Variants in ESRRG observed in about 807,000 individuals in gnomAD.
ESRRG encodes the protein estrogen related receptor gamma.
ESRRG carries 13 observed loss-of-function variants against 44.0 expected under a neutral mutation model. That is an observed-to-expected ratio of 0.30 (90% CI 0.19 to 0.47). The LOEUF is 0.47. Ranked by LOEUF, ESRRG falls within the 20% of genes least tolerant of loss-of-function variation. ESRRG has a pLI of 1.00. For missense variants in ESRRG, 395 were observed against 580.6 expected (o/e 0.68, Z 3.29); for synonymous variants, 215 against 214.6 (o/e 1.00, Z -0.02).
At chr1:217,119,975 T>C (rs2092798219) in intron 1 of ESRRG, among the ~76,000 whole-genome samples, 1 of 152,202 alleles carries the variant, frequency 6.6e-6, no homozygotes, top group Non-Finnish European at 1.5e-5. Flanking sequence ...GATACAAAAA[T>C]GGAAAAGATT....
chr1:216,885,713 T>A (rs995596564), intron 2 of ESRRG, among the ~76,000 whole-genome samples: 1 of 152,100 alleles, frequency 6.6e-6, no homozygotes, highest in Non-Finnish European at 1.5e-5. Flanking sequence ...CATAGGAAAG[T>A]TTTAAATATA....
At chr1:216,679,289 C>G (rs1452540356) in intron 1 of ESRRG, among the ~76,000 whole-genome samples, 2 of 152,176 alleles carry the variant, frequency 1.3e-5, no homozygotes, top group African/African-American at 4.8e-5. Flanking sequence ...TGTTAATGAA[C>G]GTTGTAATTA....
intron 1 of ESRRG, among the ~76,000 whole-genome samples, chr1:216,969,818 C>A (rs745653575): frequency 2.6e-5 from 4 of 152,082 alleles, no homozygotes; most frequent in Non-Finnish European, 4.4e-5. Flanking sequence ...CTCCTGACCT[C>A]AGGTGATCCG....
chr1:216,840,031 G>A (rs1175674582), intron 2 of ESRRG, among the ~76,000 whole-genome samples: 1 of 152,162 alleles, frequency 6.6e-6, no homozygotes, highest in Non-Finnish European at 1.5e-5. Context: ...TAACAAGAGA[G>A]TCAGCTTGTT....
chr1:216,634,758 A>C lies in ESRRG; in HGVS notation c.589+16215T>G, dbSNP rs145079694. Among the ~76,000 whole-genome samples the C allele has an allele frequency of 6.9e-3, 1,057 of 152,286 alleles. 10 individuals carry two copies. Among genetic ancestry groups the C allele is most frequent in the African/African-American group, 0.024 (1,015 of 41,560 alleles). ...GCGTGGATACATTTCTTCCTTCCCC[A>C]AAACAAAATGGGAGGATGCGTGTGG... On this transcript the variant is annotated intron_variant, in intron 3 of 6. Transcript: ENST00000408911.
intron 1 of ESRRG, among the ~76,000 whole-genome samples, chr1:216,959,033 T>A (rs1461661346): frequency 6.6e-6 from 1 of 152,102 alleles, no homozygotes; most frequent in East Asian, 1.9e-4. Context: ...TTATTTTTAG[T>A]TCCTTCGTCC....
chr1:216,649,517 C>A (rs1418405037), intron 3 of ESRRG, among the ~76,000 whole-genome samples: 1 of 151,832 alleles, frequency 6.6e-6, no homozygotes, highest in Non-Finnish European at 1.5e-5. Context: ...CATATACACA[C>A]ACACACACTC....
At chr1:216,783,630 G>A (rs192147067) in intron 2 of ESRRG, among the ~76,000 whole-genome samples, 66 of 152,124 alleles carry the variant, frequency 4.3e-4, no homozygotes, top group African/African-American at 1.4e-3. Context: ...AGGTCCCCAG[G>A]TGAGGTTAAG....
chr1:216,844,471 T>C (rs1411068581), intron 2 of ESRRG, among the ~76,000 whole-genome samples: 4 of 152,066 alleles, frequency 2.6e-5, no homozygotes, highest in Non-Finnish European at 5.9e-5. Context: ...CTACGTGCTC[T>C]TCCTGCTCAG....
rs36002364 is a variant in ESRRG at position 216,888,007 on chromosome 1, CTT to C, written c.-14+51573_-14+51574del. ...AGAAGACAACACAATTTGTAATTGA[CTT>C]TTTTTTTTTTACCACCAAACAACTA... On this transcript the variant is annotated intron_variant, in intron 2 of 7. Transcript: ENST00000359162. Among the ~76,000 whole-genome samples, 422 of 149,532 alleles carry C rather than the reference CTT, an allele frequency of 2.8e-3. 11 individuals are homozygous for C. Among genetic ancestry groups the C allele is most frequent in the East Asian group, 9.9e-4 (5 of 5,062 alleles).
intron 1 of ESRRG, among the ~76,000 whole-genome samples, chr1:216,996,758 C>T (rs776198393): frequency 2.0e-5 from 3 of 152,080 alleles, no homozygotes; most frequent in Non-Finnish European, 4.4e-5. Context: ...TAATATCATT[C>T]ATTCATTCAT....
chr1:217,116,239 T>A (rs144873294), intron 1 of ESRRG, among the ~76,000 whole-genome samples: 2 of 152,324 alleles, frequency 1.3e-5, no homozygotes, highest in African/African-American at 4.8e-5. Flanking sequence ...TATAAAGCCA[T>A]CACCAGGAAT....
At chr1:216,701,174 C>T (rs535932452) in intron 1 of ESRRG, among the ~76,000 whole-genome samples, 1 of 152,206 alleles carries the variant, frequency 6.6e-6, no homozygotes, top group African/African-American at 2.4e-5. Context: ...CCTGCTTTTG[C>T]CAAGCATTTT....
At chr1:217,109,871 T>C (rs1171524820) in intron 1 of ESRRG, among the ~76,000 whole-genome samples, 1 of 152,176 alleles carries the variant, frequency 6.6e-6, no homozygotes, top group Non-Finnish European at 1.5e-5. Flanking sequence ...AGCTCTGGTG[T>C]TAGTGAATTC....
intron 2 of ESRRG, among the ~76,000 whole-genome samples, chr1:216,808,798 T>C (rs2813673): frequency 0.8 from 121,304 of 152,076 alleles, 49,954 homozygotes; most frequent in Non-Finnish European, 0.91. Flanking sequence ...TTACTTGTAA[T>C]ATTATTTGCT....
At chr1:216,939,498 C>A (rs1198437357) in intron 2 of ESRRG, 1 of 151,870 alleles carries the variant, frequency 6.6e-6, no homozygotes, top group South Asian at 2.1e-4. Flanking sequence ...GACACTTAAC[C>A]CTCTAATGTG....
chr1:216,792,178 A>T (rs2148109218), intron 2 of ESRRG, among the ~76,000 whole-genome samples: 1 of 152,298 alleles, frequency 6.6e-6, no homozygotes, highest in East Asian at 1.9e-4. Context: ...AACAAGAAGC[A>T]TGTGGTCAGC....
chr1:216,541,171 C>T (rs2052602634), intron 5 of ESRRG, among the ~76,000 whole-genome samples: 1 of 152,006 alleles, frequency 6.6e-6, no homozygotes, highest in Non-Finnish European at 1.5e-5. Flanking sequence ...TTATTAAATA[C>T]ACCAACCCCT....
intron 1 of ESRRG, chr1:216,715,221 A>G: frequency 1.0e-6 from 1 of 985,398 alleles, no homozygotes; most frequent in Non-Finnish European, 1.2e-6. Flanking sequence ...CTATGATCCC[A>G]TGACTGATGA....
Sources: gnomAD v4.1 joint callset for allele counts (sites outside exome capture counted in the v4.1 genomes callset) on GRCh38, gnomAD v4.1.1 for gene constraint, MANE v1.5 for transcripts, NCBI Gene and HGNC (gene_info 2026-07-23, HGNC 2026-07-21) for gene names.